Variants in SEC14L2 observed in about 807,000 individuals in gnomAD.
SEC14L2 encodes SEC14 like lipid binding 2.
A neutral mutation model predicts 56.9 loss-of-function variants in SEC14L2; 50 were observed. The ratio of observed to expected loss-of-function variants is 0.88; its 90% CI spans 0.70 to 1.11. The LOEUF (loss-of-function observed/expected upper bound fraction) is 1.11. SEC14L2 is among the 50% of genes most tolerant of loss of function. SEC14L2 has a pLI of 0.00. For missense variants in SEC14L2, 414 were observed against 500.7 expected (o/e 0.83, Z 1.65); for synonymous variants, 179 against 188.5 (o/e 0.95, Z 0.41).
chr22:30,415,607 CTG>C, intron 8 of SEC14L2, 150 bp from the exon 9 acceptor site: 3 of 667,810 alleles, frequency 4.5e-6, no homozygotes, highest in Non-Finnish European at 7.9e-6. Flanking sequence ...TATGCATGCA[CTG>C]TGTGCTCCTA....
intron 8 of SEC14L2, among the ~76,000 whole-genome samples, chr22:30,412,859 CA>C (rs66730675): frequency 0.024 from 3,176 of 134,552 alleles, 105 homozygotes; most frequent in African/African-American, 0.081. Context: ...AAAAAAAAAA[CA>C]AAAAAAACTT....
intron 2 of SEC14L2, among the ~76,000 whole-genome samples, chr22:30,403,085 TAAAAC>T (rs761212229): frequency 6.6e-6 from 1 of 151,878 alleles, no homozygotes; most frequent in Non-Finnish European, 1.5e-5. Context: ...TCAAAGAAAA[TAAAAC>T]AAAACAAAAC....
chr22:30,407,401 G>C lies in SEC14L2; in HGVS notation c.235-14G>C. ...TGCCTGCTGACCAGGTGGCTCCTCT[G>C]TGTCTTTGCCCAGGTGATCCAACAG... On this transcript the variant is annotated splice_polypyrimidine_tract_variant and intron_variant, in intron 4 of 11. Transcript: ENST00000615189. 6.2e-7 allele frequency: 1 copy of C among 1,610,072 alleles called. No individual in the cohort carries two copies. The highest frequency in any genetic ancestry group is 8.5e-7 in the Non-Finnish European group (1 of 1,176,754).
rs776919983 is a variant in SEC14L2 at position 30,409,213 on chromosome 22, C to G, written c.450C>G (p.Thr150=). The change falls in exon 6 of 12, where the codon ACC becomes ACG. Residue 150 remains threonine, a synonymous_variant. Coordinates refer to ENST00000615189, the MANE Select transcript of SEC14L2 (RefSeq NM_012429.5). ...TKLGRKVETI[T]IIYDCEGLGL... ...TGGGGAGGAAGGTGGAGACCATCAC[C>G]ATAATTTATGACTGCGAGGGGCTTG... The G allele has an allele frequency of 6.2e-7, 1 of 1,612,658 alleles. No individual in the cohort carries two copies. The highest frequency in any genetic ancestry group is 8.5e-7 in the Non-Finnish European group (1 of 1,179,272).
chr22:30,397,236 G>T, intron 1 of SEC14L2, 66 bp downstream of exon 1: 1 of 1,365,868 alleles, frequency 7.3e-7, no homozygotes, highest in Non-Finnish European at 9.8e-7. Flanking sequence ...GCGGCAGCGA[G>T]AAGGGACGGG....
chr22:30,413,597 G>T (rs1432103727), intron 8 of SEC14L2, among the ~76,000 whole-genome samples: 1 of 152,116 alleles, frequency 6.6e-6, no homozygotes, highest in African/African-American at 2.4e-5. Flanking sequence ...TCATGAAAGG[G>T]TGAATGCCAC....
chr22:30,416,844 T>A (rs1362645537), intron 11 of SEC14L2: 12 of 1,077,716 alleles, frequency 1.1e-5, no homozygotes, highest in African/African-American at 1.6e-5. Context: ...ATCTCCCAGC[T>A]GACCAAAGAA....
chr22:30,399,607 G>C, intron 1 of SEC14L2, 36 bp from the exon 2 acceptor site: 3 of 1,569,112 alleles, frequency 1.9e-6, no homozygotes, highest in Non-Finnish European at 1.7e-6. Context: ...CAGTCAGGGC[G>C]GGCCCTACCA....
rs762014532 is a variant in SEC14L2, at chr22:30,416,350, A to T, written c.1028A>T (p.Asn343Ile). 1 of 1,613,954 alleles carries T rather than the reference A, an allele frequency of 6.2e-7. No homozygotes were observed. The highest frequency in any genetic ancestry group is 8.5e-7 in the Non-Finnish European group (1 of 1,179,982). The change falls in exon 11 of 12, where the codon AAC (asparagine) becomes ATC (isoleucine). Residue 343 changes from asparagine (N) to isoleucine (I), a missense_variant. Asn to Ile is a moderately radical substitution (Grantham distance 149). Transcript: ENST00000615189. The stretch of plus-strand genomic sequence containing the variant: ...GAGGTGCTGCCCAACCAGAGGTACA[A>T]CTCCCACCTGGTCCCTGAAGATGGG... Reference protein sequence around the residue: ...MTEVLPNQRYNSHLVPEDGTL... With the variant: ...MTEVLPNQRYISHLVPEDGTL...
Position 30,415,995 on chromosome 22 carries a change from G to C in SEC14L2, c.819G>C (p.Gln273His). The C allele has an allele frequency of 6.2e-7, 1 of 1,614,240 alleles. No individual in the cohort carries two copies. Among genetic ancestry groups the C allele is most frequent in the East Asian group, 2.2e-5 (1 of 44,888 alleles). Residue 273 changes from glutamine (Q) to histidine (H), a missense_variant, in exon 10 of 12, where the codon CAG (glutamine) becomes CAC (histidine). By Grantham distance (24) the Gln-to-His change is conservative (BLOSUM62 0). Transcript: ENST00000615189. ...DIPRKYYVRD[Q>H]VKQQYEHSVQ... Reference sequence around the variant, plus strand: ...CCAGGAAGTATTATGTGCGAGACCAGGTGAAACAGCAGTATGAACACAGCG... The same window carrying C: ...CCAGGAAGTATTATGTGCGAGACCACGTGAAACAGCAGTATGAACACAGCG...
chr22:30,408,977 A>G (rs1286150505), intron 5 of SEC14L2: 2 of 648,986 alleles, frequency 3.1e-6, no homozygotes, highest in African/African-American at 3.6e-5. Context: ...CATGTACTGG[A>G]AAAGAACACA....
intron 11 of SEC14L2, among the ~76,000 whole-genome samples, chr22:30,419,926 T>C (rs1376746757): frequency 6.6e-6 from 1 of 151,920 alleles, no homozygotes; most frequent in Non-Finnish European, 1.5e-5. Flanking sequence ...AAATCTAAAA[T>C]TATGTGCCTT....
rs76529623 is a variant in SEC14L2, at chr22:30,398,502, C to T, written c.55-1141C>T. 2.2e-3 allele frequency: 777 copies of T among 356,108 alleles called. 2 individuals carry two copies. Among genetic ancestry groups the T allele is most frequent in the Non-Finnish European group, 3.6e-3 (631 of 177,708 alleles). 22.1% of individuals were successfully genotyped at this position (356,108 alleles called of 1,614,324 possible). ...CAGGGAGGGCATATAGGGGCCTGTT[C>T]GCCTACCAGGGAGTGAGAGGTTGGA... On this transcript the variant is annotated intron_variant, in intron 1 of 11. Coordinates refer to ENST00000615189, the MANE Select transcript of SEC14L2 (RefSeq NM_012429.5).
intron 4 of SEC14L2, 27 bp from the exon 5 acceptor site, chr22:30,407,388 A>C (rs201241055): frequency 6.2e-7 from 1 of 1,607,254 alleles, no homozygotes; most frequent in East Asian, 2.2e-5. Flanking sequence ...CCTGCTGACC[A>C]GGTGGCTCCT....
chr22:30,416,502 A>C, intron 11 of SEC14L2, 99 bp downstream of exon 11: 1 of 1,596,816 alleles, frequency 6.3e-7, no homozygotes, highest in Non-Finnish European at 8.5e-7. Flanking sequence ...TGAGTGTTAG[A>C]ACTAGAAGTG....
At chr22:30,398,759 T>C (rs1270119667) in intron 1 of SEC14L2, 1 of 471,312 alleles carries the variant, frequency 2.1e-6, no homozygotes, top group Admixed American at 2.3e-5. Context: ...CTCCTCATCC[T>C]TCCATGGGGC....
intron 1 of SEC14L2, chr22:30,397,449 C>G (rs1178975313): frequency 4.4e-6 from 2 of 454,290 alleles, no homozygotes; most frequent in Non-Finnish European, 3.9e-6. Flanking sequence ...CCCCGGAGGC[C>G]GCTGAGGGCA....
chr22:30,410,654 T>C lies in SEC14L2; in HGVS notation c.639T>C (p.Thr213=), dbSNP rs1172023990. ...TCAAACCCTTCCTGAGTGAGGACAC[T>C]CGTAAGAAGATCATGGTCCTGGGAG... The part of the protein sequence containing the change: ...NLIKPFLSED[T]RKKIMVLGAN... The change falls in exon 8 of 12, where the codon ACT becomes ACC. Residue 213 remains threonine (T), a synonymous_variant. Coordinates refer to ENST00000615189, the MANE Select transcript of SEC14L2 (RefSeq NM_012429.5). 4.3e-6 allele frequency: 7 copies of C among 1,614,206 alleles called. No homozygotes were observed. The highest frequency in any genetic ancestry group is 3.3e-4 in the Middle Eastern group (2 of 6,062).
intron 8 of SEC14L2, 122 bp from the exon 9 acceptor site, chr22:30,415,637 G>A: frequency 5.4e-6 from 4 of 739,972 alleles, no homozygotes; most frequent in South Asian, 1.7e-5. Context: ...AATTTGAGGC[G>A]GGGTGTTGTG....
Sources: gnomAD v4.1 joint callset for allele counts (sites outside exome capture counted in the v4.1 genomes callset) on GRCh38, gnomAD v4.1.1 for gene constraint, MANE v1.5 for transcripts, NCBI Gene and HGNC (gene_info 2026-07-23, HGNC 2026-07-21) for gene names.